Variants in RPS2 observed in about 807,000 individuals in gnomAD.
RPS2 encodes the protein ribosomal protein S2, also known as small ribosomal subunit protein uS5.
A neutral mutation model predicts 25.3 loss-of-function variants in RPS2; 8 were observed. That is an observed-to-expected ratio of 0.32 (90% CI 0.19 to 0.57). The LOEUF is 0.57. Ranked by LOEUF, RPS2 falls within the 20% of genes least tolerant of loss-of-function variation. RPS2 has a pLI of 0.90. For synonymous variants in RPS2, 181 were observed against 161.3 expected (o/e 1.12, Z -0.92); for missense variants, 229 against 408.1 (o/e 0.56, Z 3.78).
chr16:1,963,958 TCCTC>T, intron 3 of RPS2: 1 of 411,744 alleles, frequency 2.4e-6, no homozygotes, highest in South Asian at 2.1e-5. Context: ...CCTTACAGTG[TCCTC>T]CCACAACCTG....
chr16:1,964,233 T>C (rs746989112), intron 3 of RPS2, 43 bp downstream of exon 3: 4 of 1,448,364 alleles, frequency 2.8e-6, no homozygotes, highest in South Asian at 1.1e-5. Flanking sequence ...CCCAAATGAC[T>C]CCGGGGTCGC....
intron 4 of RPS2, 44 bp downstream of exon 4, chr16:1,963,105 G>A: frequency 6.7e-7 from 1 of 1,485,002 alleles, no homozygotes. Flanking sequence ...AGCCGAGAGA[G>A]TCCCGGCAAG....
At position 1,964,477 on chromosome 16, in the gene RPS2, G is replaced by C; in HGVS notation, c.149C>G (p.Ala50Gly). 6.2e-7 allele frequency: 1 copy of C among 1,609,188 alleles called. No individual in the cohort carries two copies. Among genetic ancestry groups the C allele is most frequent in the South Asian group, 1.1e-5 (1 of 90,836 alleles). The change falls in exon 2 of 7, where the codon GCT becomes GGT. Residue 50 changes from alanine (A) to glycine (G), a missense_variant. Physicochemically the swap from Ala to Gly is moderately conservative, Grantham distance 60. This residue lies in a region of RPS2 where 70 missense variants were observed against 119.0 expected (regional missense o/e 0.59). Coordinates refer to ENST00000343262, the MANE Select transcript of RPS2 (RefSeq NM_002952.4). ...CTTATCCTCGGCCTTGCCTCCGCGA[G>C]CTCCGCGGCCTCGGCCCCGGCCCCG... is the stretch of plus-strand genomic sequence containing the variant. ...RGRGRGRGRG[A>G]RGGKAEDKEW... is the part of the protein sequence containing the mutation.
chr16:1,964,428 C>A, intron 2 of RPS2, 21 bp downstream of exon 2: 4 of 1,612,460 alleles, frequency 2.5e-6, no homozygotes, highest in Admixed American at 1.7e-5. Context: ...GGGCCCGACC[C>A]CGAGCGTGGC....
rs766300897 is a variant in RPS2, at chr16:1,962,097, C to A, written c.*1G>T. On this transcript the variant is annotated 3_prime_UTR_variant, in exon 7 of 7. Transcript: ENST00000343262. Reference sequence around the variant, plus strand: ...CACTTTATTTTTCTTGTATAAAAACCCTATGTTGTAGCCACAGCTGGAGCC... The same window carrying A: ...CACTTTATTTTTCTTGTATAAAAACACTATGTTGTAGCCACAGCTGGAGCC... 1.3e-6 allele frequency: 2 copies of A among 1,552,620 alleles called. No individual in the cohort carries two copies. The highest frequency in any genetic ancestry group is 1.7e-6 in the Non-Finnish European group (2 of 1,156,848).
Position 1,962,874 on chromosome 16 carries a change from G to A in RPS2, c.411C>T (p.Val137=), listed in dbSNP as rs763587148. Residue 137 remains valine (V), a synonymous_variant, in exon 5 of 7, where the codon GTC becomes GTT. Coordinates refer to ENST00000343262, the MANE Select transcript of RPS2 (RefSeq NM_002952.4). The part of the protein sequence containing the change: ...FVAIGDYNGH[V]GLGVKCSKEV... ...CCTTGGAGCACTTAACACCCAGACC[G>A]ACGTGGCCATTGTAGTCCCCGATAG... The A allele has an allele frequency of 5.0e-6, 8 of 1,602,786 alleles. No individual in the cohort carries two copies. In the East Asian group the frequency reaches 6.7e-5, roughly 13 times the overall value.
rs377368614 is a variant in RPS2, at chr16:1,964,272, G to A, written c.267+4C>T. 2 of 1,609,122 alleles carry A rather than the reference G, an allele frequency of 1.2e-6. No individual in the cohort carries two copies. The highest frequency in any genetic ancestry group is 1.1e-5 in the South Asian group (1 of 90,948). ...TGCTCAACGCCCCAACGACCGACGC[G>A]TACCTTAATAGGCAGGGAGAAGAGA... On this transcript the variant is annotated splice_donor_region_variant and intron_variant, in intron 3 of 6. Transcript: ENST00000343262.
Position 1,962,844 on chromosome 16 carries a change from C to T in RPS2, c.441G>A (p.Val147=), listed in dbSNP as rs2083269111. 2 of 1,606,236 alleles carry T rather than the reference C, an allele frequency of 1.2e-6. No individual in the cohort carries two copies. The highest frequency in any genetic ancestry group is 2.2e-5 in the East Asian group (1 of 44,868). The stretch of plus-strand genomic sequence containing the variant: ...TGATGGCCCCACGGATGGCGGTGGC[C>T]ACCTCCTTGGAGCACTTAACACCCA... ...VGLGVKCSKE[V]ATAIRGAIIL... The change falls in exon 5 of 7, where the codon GTG becomes GTA. Residue 147 remains valine (V), a synonymous_variant. Coordinates refer to ENST00000343262, the MANE Select transcript of RPS2 (RefSeq NM_002952.4).
intron 4 of RPS2, 100 bp downstream of exon 4, chr16:1,963,049 C>G: frequency 7.3e-7 from 1 of 1,365,268 alleles, no homozygotes. Context: ...TTCTCTCTCT[C>G]CCCGTTACGA....
intron 3 of RPS2, chr16:1,964,066 GA>G: frequency 1.7e-6 from 1 of 584,298 alleles, no homozygotes. Flanking sequence ...AAGATGCGCT[GA>G]AATGCCTTTT....
intron 3 of RPS2, 46 bp from the exon 4 acceptor site, chr16:1,963,302 T>G (rs1671242594): frequency 7.9e-7 from 1 of 1,269,948 alleles, no homozygotes; most frequent in Non-Finnish European, 1.1e-6. Flanking sequence ...AAAAAAAACT[T>G]AATACCATTA....
intron 3 of RPS2, chr16:1,963,998 T>C (rs2083283356): frequency 1.1e-5 from 5 of 474,846 alleles, no homozygotes; most frequent in South Asian, 8.5e-5. Flanking sequence ...TCGGATGGCA[T>C]GAACCAAGCG....
At position 1,962,082 on chromosome 16, in the gene RPS2, T is replaced by G. The variant is rs767759202; in HGVS notation, c.*16A>C. On this transcript the variant is annotated 3_prime_UTR_variant, in exon 7 of 7. Transcript: ENST00000343262. ...GTAACACGCTTAATTCACTTTATTT[T>G]TCTTGTATAAAAACCCTATGTTGTA... is the stretch of plus-strand genomic sequence containing the variant. 8 of 1,535,214 alleles carry G rather than the reference T, an allele frequency of 5.2e-6. No homozygotes were observed. The highest frequency in any genetic ancestry group is 7.0e-6 in the Non-Finnish European group (8 of 1,145,252).
chr16:1,963,152 G>A lies in RPS2; in HGVS notation c.372C>T (p.Phe124=). 1 of 1,608,232 alleles carries A rather than the reference G, an allele frequency of 6.2e-7. No individual in the cohort carries two copies. The highest frequency in any genetic ancestry group is 1.3e-5 in the African/African-American group (1 of 74,932). Residue 124 remains phenylalanine (F), a synonymous_variant, in exon 4 of 7, where the codon TTC becomes TTT. Transcript: ENST00000343262. ...KQTRAGQRTR[F]KAFVAIGDYN... Reference sequence around the variant, plus strand: ...CCCCTCCAGGACAGCCGGGTACCTTGAACCTGGTGCGCTGGCCGGCACGGG... The same window carrying A: ...CCCCTCCAGGACAGCCGGGTACCTTAAACCTGGTGCGCTGGCCGGCACGGG...
intron 4 of RPS2, 49 bp downstream of exon 4, chr16:1,963,098 CGA>C (rs199524533): frequency 5.0e-5 from 73 of 1,465,898 alleles, no homozygotes; most frequent in Admixed American, 2.2e-4. Flanking sequence ...TATGCAGAGC[CGA>C]GAGAGTCCCG....
chr16:1,962,426 G>A (rs540911057), intron 6 of RPS2, 71 bp downstream of exon 6: 18 of 1,465,160 alleles, frequency 1.2e-5, no homozygotes, highest in Non-Finnish European at 1.6e-5. Flanking sequence ...AACACGCCAA[G>A]CACACACTGG....
intron 3 of RPS2, chr16:1,964,051 G>A (rs1211175252): frequency 1.4e-5 from 8 of 571,572 alleles, no homozygotes; most frequent in East Asian, 8.8e-5. Flanking sequence ...CGCTGCGAAT[G>A]TGGGAAGATG....
At chr16:1,964,195 A>G in intron 3 of RPS2, 81 bp downstream of exon 3, 4 of 1,038,050 alleles carry the variant, frequency 3.9e-6, no homozygotes, top group East Asian at 2.4e-5. Flanking sequence ...ATGCGAGTCA[A>G]TGGCAGATGC....
Position 1,962,986 on chromosome 16 carries a change from C to G in RPS2, c.376-77G>C, listed in dbSNP as rs780839395. 9 of 1,526,338 alleles carry G rather than the reference C, an allele frequency of 5.9e-6. No individual in the cohort carries two copies. In the South Asian group the frequency reaches 1.0e-4, roughly 17 times the overall value. The allele number at this position is 1,526,338 out of a possible 1,614,324, so 94.5% of individuals were successfully genotyped here. A position where few individuals can be genotyped will look rare whatever the true frequency, so the allele number is the denominator to read the frequency against. On this transcript the variant is annotated intron_variant, in intron 4 of 6. Transcript: ENST00000343262. Reference sequence around the variant, plus strand: ...CCACCGCCCAGGGCCTGTTGCACCCCTCAAGGAAAGAGAGGCCACAGTAAG... The same window carrying G: ...CCACCGCCCAGGGCCTGTTGCACCCGTCAAGGAAAGAGAGGCCACAGTAAG...
Sources: gnomAD v4.1 joint callset for allele counts on GRCh38, gnomAD v4.1.1 for gene constraint, gnomAD v4.1.1 regional missense constraint, MANE v1.5 for transcripts, NCBI Gene and HGNC (gene_info 2026-07-23, HGNC 2026-07-21) for gene names.